The following NRXN3 variants were observed in gnomAD, a reference collection of about 807,000 sequenced individuals.
The protein encoded by NRXN3 is neurexin III.
A neutral mutation model predicts 137.6 loss-of-function variants in NRXN3; 32 were observed. That is an observed-to-expected ratio of 0.23 (90% CI 0.18 to 0.31). NRXN3 has a LOEUF of 0.31. NRXN3 is among the 10% of genes least tolerant of loss of function. The probability of loss-of-function intolerance (pLI) is 1.00; values close to 1 mark genes in which losing one functional copy is unlikely to be tolerated. For missense variants in NRXN3, 1,574 were observed against 2,062.5 expected, an observed-to-expected ratio of 0.76 and a Z score of 4.59; for synonymous variants, 798 against 784.5, an observed-to-expected ratio of 1.02 and a Z score of -0.29.
At chr14:79,406,407 T>C (rs1190183475) in intron 15 of NRXN3, among the ~76,000 whole-genome samples, 3 of 152,012 alleles carry the variant, frequency 2.0e-5, no homozygotes, top group Non-Finnish European at 4.4e-5. Context: ...TGGGCTCAGA[T>C]CCTTCCACCT....
chr14:78,357,640 A>T (rs2084510659), intron 4 of NRXN3, among the ~76,000 whole-genome samples: 1 of 152,232 alleles, frequency 6.6e-6, no homozygotes, highest in East Asian at 1.9e-4. Context: ...CTCTTATTTT[A>T]AGCATAGCCA....
chr14:78,594,647 C>T (rs561721400), intron 4 of NRXN3, among the ~76,000 whole-genome samples: 27 of 152,316 alleles, frequency 1.8e-4, no homozygotes, highest in African/African-American at 6.0e-4. Flanking sequence ...CACTCAATCT[C>T]CCCATTCCAG....
At chr14:78,987,907 T>G in intron 14 of NRXN3, 115 bp from the exon 15 acceptor site, 1 of 1,216,338 alleles carries the variant, frequency 8.2e-7, no homozygotes, top group Non-Finnish European at 1.1e-6. Flanking sequence ...TGGTGTGTCT[T>G]CAAATGTTTG....
intron 15 of NRXN3, among the ~76,000 whole-genome samples, chr14:79,026,021 T>C (rs1472906516): frequency 3.9e-5 from 6 of 152,050 alleles, no homozygotes; most frequent in Non-Finnish European, 8.8e-5. Context: ...TCGGTCAGCA[T>C]TGGTCAGAAT....
intron 15 of NRXN3, among the ~76,000 whole-genome samples, chr14:79,045,996 A>G (rs975017046): frequency 3.9e-5 from 6 of 152,218 alleles, no homozygotes; most frequent in Admixed American, 3.9e-4. Flanking sequence ...TGGATATCCT[A>G]ATTACCCTGA....
At chr14:78,971,593 A>G (rs535053346) in intron 14 of NRXN3, among the ~76,000 whole-genome samples, 4 of 152,216 alleles carry the variant, frequency 2.6e-5, no homozygotes, top group South Asian at 4.1e-4. Context: ...AGGTAAAATA[A>G]AAGGCAAAAG....
chr14:79,846,213 A>T (rs1260743886), intron 20 of NRXN3, among the ~76,000 whole-genome samples: 1 of 152,210 alleles, frequency 6.6e-6, no homozygotes, highest in Admixed American at 6.5e-5. Flanking sequence ...AGAAACGTTC[A>T]ATTTATTAAA....
chr14:79,202,377 TATTAAG>T (rs2066160004), intron 15 of NRXN3, among the ~76,000 whole-genome samples: 1 of 152,010 alleles, frequency 6.6e-6, no homozygotes, highest in African/African-American at 2.4e-5. Context: ...TTTTTTAAGG[TATTAAG>T]ATTATTTTTT....
At chr14:79,162,530 T>C (rs923645670) in intron 15 of NRXN3, among the ~76,000 whole-genome samples, 1 of 151,818 alleles carries the variant, frequency 6.6e-6, no homozygotes, top group Non-Finnish European at 1.5e-5. Context: ...CATCAAAAAG[T>C]GGGCGAAGGA....
intron 4 of NRXN3, among the ~76,000 whole-genome samples, chr14:78,577,169 A>G (rs1449398626): frequency 6.6e-6 from 1 of 152,136 alleles, no homozygotes; most frequent in African/African-American, 2.4e-5. Context: ...TCAGTAATCC[A>G]TGTAGGCCTA....
intron 17 of NRXN3, among the ~76,000 whole-genome samples, chr14:79,679,709 T>C (rs2098659768): frequency 6.6e-6 from 1 of 152,176 alleles, no homozygotes; most frequent in Non-Finnish European, 1.5e-5. Context: ...AAAAATACTT[T>C]AAGGACTAAT....
chr14:79,620,952 G>A (rs1285489256), intron 16 of NRXN3, among the ~76,000 whole-genome samples: 2 of 151,984 alleles, frequency 1.3e-5, no homozygotes, highest in African/African-American at 2.4e-5. Context: ...GAGGAGAAAA[G>A]TAAAGGCACA....
Position 78,763,053 on chromosome 14 carries a change from G to A in NRXN3, c.2045-40567G>A, listed in dbSNP as rs576484579. ...GGCGGGAGTGCTGGTATGTGTTGGAGTAAGGGTGGCAGGGACTACAATGTC... is the reference window on the plus strand; with the variant it reads ...GGCGGGAGTGCTGGTATGTGTTGGAATAAGGGTGGCAGGGACTACAATGTC... On this transcript the variant is annotated intron_variant, in intron 8 of 20. Transcript: ENST00000335750. Among the ~76,000 whole-genome samples, 158 of 152,322 alleles carry A rather than the reference G, an allele frequency of 1.0e-3. 2 individuals are homozygous for A. The highest frequency in any genetic ancestry group is 3.7e-3 in the African/African-American group (155 of 41,566).
intron 4 of NRXN3, among the ~76,000 whole-genome samples, chr14:78,333,273 AG>A: frequency 6.6e-6 from 1 of 152,308 alleles, no homozygotes; most frequent in African/African-American, 2.4e-5. Context: ...ATATACAGTA[AG>A]GGAGGCCTGT....
intron 6 of NRXN3, among the ~76,000 whole-genome samples, chr14:78,682,283 C>T (rs1359077193): frequency 1.3e-5 from 2 of 152,048 alleles, no homozygotes; most frequent in African/African-American, 4.8e-5. Flanking sequence ...TGTCCATTCA[C>T]TGTTCTGTTT....
rs150385691 is a variant in NRXN3, at chr14:78,364,877, C to T, written c.757+67017C>T. Among the ~76,000 whole-genome samples, 627 of 152,292 alleles carry T rather than the reference C, an allele frequency of 4.1e-3. 6 individuals carry two copies. Among genetic ancestry groups the T allele is most frequent in the South Asian group, 0.034 (164 of 4,816 alleles). ...GAGTTCTTTGTCCAGCCACATTCCA[C>T]GGTGAAAACACTAAAGGTACGTTCA... On this transcript the variant is annotated intron_variant, in intron 4 of 20. Coordinates refer to ENST00000335750, the MANE Select transcript of NRXN3 (RefSeq NM_001330195.2).
At chr14:79,225,218 G>A (rs1361657876) in intron 15 of NRXN3, among the ~76,000 whole-genome samples, 5 of 152,130 alleles carry the variant, frequency 3.3e-5, no homozygotes, top group African/African-American at 7.2e-5. Flanking sequence ...AGTACCCAAG[G>A]CACTTTAATG....
At chr14:79,398,294 C>T (rs761130693) in intron 15 of NRXN3, among the ~76,000 whole-genome samples, 1 of 152,194 alleles carries the variant, frequency 6.6e-6, no homozygotes, top group Admixed American at 6.5e-5. Context: ...CAGTCCCTTG[C>T]AGACCTAGGA....
Position 79,147,297 on chromosome 14 carries a change from T to C in NRXN3, c.3262+159156T>C, listed in dbSNP as rs115199511. Among the ~76,000 whole-genome samples the C allele has an allele frequency of 1.6e-3, 250 of 152,306 alleles. 2 individuals carry two copies. Among genetic ancestry groups the C allele is most frequent in the African/African-American group, 5.1e-3 (213 of 41,572 alleles). On this transcript the variant is annotated intron_variant, in intron 15 of 20. Coordinates refer to ENST00000335750, the MANE Select transcript of NRXN3 (RefSeq NM_001330195.2). ...TTCATTTGCTGAGTATCATTGGTAA[T>C]TTCTATGTAAATTTTCTCAGAGTAG...
Sources: allele counts gnomAD v4.1 joint callset (sites outside exome capture counted in the v4.1 genomes callset), GRCh38; gene constraint gnomAD v4.1.1; transcripts MANE v1.5; gene names NCBI Gene and HGNC (gene_info 2026-07-23, HGNC 2026-07-21).